The following CMIP variants were observed in gnomAD, a reference collection of about 807,000 sequenced individuals.
CMIP encodes C-Maf-inducing protein.
In CMIP, 13 loss-of-function variants were observed where a neutral mutation model predicts 97.3. The observed-to-expected ratio is 0.13, with a 90% CI of 0.09 to 0.21. CMIP has a LOEUF of 0.21. Ranked by LOEUF, CMIP falls within the 10% of genes least tolerant of loss-of-function variation. The pLI is 1.00. For synonymous variants in CMIP, 538 were observed against 436.3 expected (o/e 1.23, Z -2.91); for missense variants, 847 against 1,024.9 (o/e 0.83, Z 2.37).
chr16:81,694,020 T>G (rs1036347705), intron 13 of CMIP, among the ~76,000 whole-genome samples: 12 of 152,234 alleles, frequency 7.9e-5, no homozygotes, highest in Non-Finnish European at 1.2e-4. Context: ...GAAGCCAGCC[T>G]GTAGCCCTGG....
chr16:81,570,544 C>G (rs113141825), intron 1 of CMIP, among the ~76,000 whole-genome samples: 1 of 152,108 alleles, frequency 6.6e-6, no homozygotes, highest in East Asian at 1.9e-4. Context: ...GAGGTGGAAA[C>G]GCCAGGGAGC....
At chr16:81,701,934 T>C in intron 16 of CMIP, 134 bp downstream of exon 16, 1 of 1,067,324 alleles carries the variant, frequency 9.4e-7, no homozygotes. Context: ...CCCCAGAAAT[T>C]GGTATTACCA....
chr16:81,708,453 C>G (rs892565229), intron 20 of CMIP, among the ~76,000 whole-genome samples: 4 of 152,190 alleles, frequency 2.6e-5, no homozygotes, highest in African/African-American at 9.7e-5. Flanking sequence ...TGAGACCAAG[C>G]TGGAAAGAGA....
At chr16:81,637,031 G>A (rs2092245964) in intron 3 of CMIP, among the ~76,000 whole-genome samples, 1 of 152,118 alleles carries the variant, frequency 6.6e-6, no homozygotes, top group South Asian at 2.1e-4. Context: ...CACAGTGTAA[G>A]CACTTCTCTA....
chr16:81,477,653 C>T (rs1046414196), intron 1 of CMIP, among the ~76,000 whole-genome samples: 1 of 152,218 alleles, frequency 6.6e-6, no homozygotes, highest in Non-Finnish European at 1.5e-5. Flanking sequence ...AGCTTAAACA[C>T]AGCAGAAGCT....
intron 2 of CMIP, among the ~76,000 whole-genome samples, chr16:81,615,098 G>C (rs1315570432): frequency 8.5e-6 from 1 of 117,686 alleles, no homozygotes; most frequent in Non-Finnish European, 1.8e-5. Flanking sequence ...GTGTGTATGA[G>C]GTGTGTATGG....
At chr16:81,669,586 CCTT>C (rs1178388754) in intron 7 of CMIP, among the ~76,000 whole-genome samples, 2 of 147,508 alleles carry the variant, frequency 1.4e-5, no homozygotes, top group South Asian at 4.4e-4. Context: ...CCTCTCACCT[CCTT>C]CCACACCCAC....
chr16:81,462,609 C>G (rs1384477601), intron 1 of CMIP, among the ~76,000 whole-genome samples: 1 of 152,170 alleles, frequency 6.6e-6, no homozygotes, highest in Non-Finnish European at 1.5e-5. Flanking sequence ...GTTTTCTGTA[C>G]TTGCTTGAGC....
intron 1 of CMIP, among the ~76,000 whole-genome samples, chr16:81,535,253 T>C (rs2090318960): frequency 6.6e-6 from 1 of 152,118 alleles, no homozygotes; most frequent in South Asian, 2.1e-4. Flanking sequence ...TGGCCCATAA[T>C]TTTTTTAAAA....
chr16:81,686,868 G>A (rs900645965), intron 10 of CMIP, among the ~76,000 whole-genome samples: 5 of 152,172 alleles, frequency 3.3e-5, no homozygotes, highest in Non-Finnish European at 5.9e-5. Context: ...GTGGTGAGTC[G>A]TATGTGGGTA....
At chr16:81,573,704 T>G (rs1029082879) in intron 1 of CMIP, among the ~76,000 whole-genome samples, 2 of 151,028 alleles carry the variant, frequency 1.3e-5, no homozygotes, top group Non-Finnish European at 3.0e-5. Context: ...GAGAGAAGGG[T>G]TTTTTAAACC....
intron 3 of CMIP, chr16:81,645,665 G>T: frequency 9.2e-6 from 14 of 1,514,264 alleles, no homozygotes; most frequent in Non-Finnish European, 1.2e-5. Context: ...TCTGCCAGAC[G>T]GGAAGCAGGA....
At chr16:81,596,235 G>A (rs1383863304) in intron 1 of CMIP, among the ~76,000 whole-genome samples, 2 of 152,114 alleles carry the variant, frequency 1.3e-5, no homozygotes, top group East Asian at 3.9e-4. Context: ...GCCAGGCATG[G>A]TGGCTCACGC....
chr16:81,587,401 T>C (rs973665631), intron 1 of CMIP, among the ~76,000 whole-genome samples: 17 of 152,218 alleles, frequency 1.1e-4, no homozygotes, highest in Non-Finnish European at 2.1e-4. Context: ...TCAGTCTGTG[T>C]CTGTGCCATA....
intron 2 of CMIP, among the ~76,000 whole-genome samples, chr16:81,615,628 A>T (rs1397690480): frequency 7.9e-6 from 1 of 126,196 alleles, no homozygotes. Flanking sequence ...GTGTGTGTGT[A>T]TGTGTAACTG....
chr16:81,507,129 G>A (rs1286957146), intron 1 of CMIP, among the ~76,000 whole-genome samples: 3 of 151,912 alleles, frequency 2.0e-5, no homozygotes, highest in Admixed American at 6.6e-5. Flanking sequence ...GGTGGCGGGC[G>A]CCTGTAGTCC....
At chr16:81,668,968 C>A (rs1167066949) in intron 7 of CMIP, among the ~76,000 whole-genome samples, 1 of 146,576 alleles carries the variant, frequency 6.8e-6, no homozygotes, top group Non-Finnish European at 1.5e-5. Flanking sequence ...ACCCACCTCA[C>A]ACTCCTTCCA....
chr16:81,621,306 C>G lies in CMIP; in HGVS notation c.477+380C>G, dbSNP rs771102072. On this transcript the variant is annotated intron_variant, in intron 3 of 20. Coordinates refer to ENST00000537098, the MANE Select transcript of CMIP (RefSeq NM_198390.3). This position sits in a 1 kb window ranked among gnomAD's most constrained non-coding sequence, Gnocchi z 4.1. ...TTCCAAAGGCTGTGCCAAGTGTAAA[C>G]TTAACAGAGATTCAAAATCCTGAGC... is the stretch of plus-strand genomic sequence containing the variant. The G allele has an allele frequency of 2.2e-5, 4 of 179,872 alleles. No individual in the cohort carries two copies. Among genetic ancestry groups the G allele is most frequent in the African/African-American group, 7.0e-5 (3 of 42,614 alleles). 11.1% of individuals were successfully genotyped at this position (179,872 alleles called of 1,614,324 possible). A position where few individuals can be genotyped will look rare whatever the true frequency, so the allele number is the denominator to read the frequency against.
chr16:81,634,775 G>A (rs537092224), intron 3 of CMIP, among the ~76,000 whole-genome samples: 122 of 152,278 alleles, frequency 8.0e-4, no homozygotes, highest in African/African-American at 2.7e-3. Context: ...AGTAGGCGCC[G>A]GTGACTCCCA....
Sources: gnomAD v4.1 joint callset for allele counts (sites outside exome capture counted in the v4.1 genomes callset) on GRCh38, gnomAD v4.1.1 for gene constraint, Gnocchi (gnomAD v3.1) non-coding constraint, MANE v1.5 for transcripts, NCBI Gene and HGNC (gene_info 2026-07-23, HGNC 2026-07-21) for gene names.